Variants in RNF115 observed in about 807,000 individuals in gnomAD.
The protein encoded by RNF115 is ring finger protein 115.
In RNF115, 31 loss-of-function variants were observed where a neutral mutation model predicts 39.2. The ratio of observed to expected loss-of-function variants is 0.79; its 90% CI spans 0.59 to 1.07. The LOEUF (loss-of-function observed/expected upper bound fraction) is 1.07, where lower values mean the gene tolerates loss of function less well. RNF115 is among the 50% of genes least tolerant of loss of function. The probability of loss-of-function intolerance (pLI) is 0.00; values close to 1 mark genes in which losing one functional copy is unlikely to be tolerated. For synonymous variants in RNF115, 124 were observed against 131.0 expected (o/e 0.95, Z 0.37); for missense variants, 384 against 381.7 (o/e 1.01, Z -0.05).
intron 1 of RNF115, among the ~76,000 whole-genome samples, chr1:145,815,391 G>A (rs1400105836): frequency 2.6e-5 from 4 of 152,248 alleles, no homozygotes; most frequent in African/African-American, 7.2e-5. Flanking sequence ...AAATACTTAA[G>A]AACCACCCTA....
chr1:145,748,516 T>A (rs1033007922), intron 7 of RNF115, among the ~76,000 whole-genome samples: 4 of 152,156 alleles, frequency 2.6e-5, no homozygotes, highest in Admixed American at 2.0e-4. Context: ...AGCCAAGGGA[T>A]TCATCTCAGC....
chr1:145,757,801 T>C (rs968366488), intron 4 of RNF115, among the ~76,000 whole-genome samples: 5 of 137,944 alleles, frequency 3.6e-5, no homozygotes, highest in African/African-American at 9.8e-5. Flanking sequence ...CACTGTATGT[T>C]GGGTGTGTGA....
At chr1:145,765,836 C>G (rs1647227908) in intron 4 of RNF115, among the ~76,000 whole-genome samples, 1 of 152,072 alleles carries the variant, frequency 6.6e-6, no homozygotes, top group African/African-American at 2.4e-5. Flanking sequence ...AGTTCCCTGT[C>G]TCTGTGTTAG....
intron 4 of RNF115, among the ~76,000 whole-genome samples, chr1:145,769,113 A>C (rs1647521888): frequency 6.6e-6 from 1 of 152,206 alleles, no homozygotes; most frequent in Non-Finnish European, 1.5e-5. Context: ...AGTTATACTA[A>C]AATTTTTTAG....
At chr1:145,814,699 T>C (rs587647406) in intron 1 of RNF115, among the ~76,000 whole-genome samples, 34 of 152,262 alleles carry the variant, frequency 2.2e-4, no homozygotes, top group African/African-American at 7.5e-4. Context: ...TTTTCAGATT[T>C]TTTTCTTCCT....
intron 7 of RNF115, 28 bp downstream of exon 7, chr1:145,750,379 G>T: frequency 6.6e-7 from 1 of 1,522,502 alleles, no homozygotes; most frequent in Non-Finnish European, 9.1e-7. Context: ...ATCAGAAGAT[G>T]ACAGAATAAG....
intron 1 of RNF115, among the ~76,000 whole-genome samples, chr1:145,804,554 TAACC>T (rs1553721348): frequency 6.6e-6 from 1 of 151,128 alleles, no homozygotes; most frequent in Non-Finnish European, 1.5e-5. Context: ...AAACACAGAA[TAACC>T]AACCAGTTGT....
At position 145,820,586 on chromosome 1, in the gene RNF115, A is replaced by T. The variant is rs71510523; in HGVS notation, c.102+3186T>A. Among the ~76,000 whole-genome samples, 1,361 of 151,946 alleles carry T rather than the reference A, an allele frequency of 9.0e-3. 1 individual carries two copies. Among genetic ancestry groups the T allele is most frequent in the Middle Eastern group, 0.014 (4 of 294 alleles). ...CCCCGTCTCTACTAAAAATACAAAA[A>T]TTAGCTGGGCATGGTGGCACGTGCC... On this transcript the variant is annotated intron_variant, in intron 1 of 8. Coordinates refer to ENST00000582693, the MANE Select transcript of RNF115 (RefSeq NM_014455.4).
At chr1:145,767,341 C>T (rs587630259) in intron 4 of RNF115, among the ~76,000 whole-genome samples, 60 of 150,314 alleles carry the variant, frequency 4.0e-4, no homozygotes, top group Non-Finnish European at 7.3e-4. Flanking sequence ...TCAGACGGGG[C>T]GGCCGGGCAG....
chr1:145,745,800 T>C lies in RNF115; in HGVS notation c.*1066A>G, dbSNP rs1430470685. 1 of 151,894 alleles carries C rather than the reference T, an allele frequency of 6.6e-6. No individual in the cohort carries two copies. The highest frequency in any genetic ancestry group is 1.5e-5 in the Non-Finnish European group (1 of 67,994). 9.4% of individuals were successfully genotyped at this position (151,894 alleles called of 1,614,324 possible). On this transcript the variant is annotated 3_prime_UTR_variant, in exon 9 of 9. Transcript: ENST00000582693. Reference sequence around the variant, plus strand: ...CAGAAGCAAAGGTCTCAAACATCTGTCTTTCTGTGCCTGTATGCTGCCCAA... The same window carrying C: ...CAGAAGCAAAGGTCTCAAACATCTGCCTTTCTGTGCCTGTATGCTGCCCAA...
chr1:145,755,043 C>G (rs1361897961), intron 4 of RNF115, among the ~76,000 whole-genome samples: 1 of 151,828 alleles, frequency 6.6e-6, no homozygotes, highest in Non-Finnish European at 1.5e-5. Flanking sequence ...GTCAGGAGTT[C>G]GAGACCAGCC....
rs587685456 is a variant in RNF115 at position 145,778,473 on chromosome 1, C to T, written c.219+6066G>A. Among the ~76,000 whole-genome samples, 211 of 152,020 alleles carry T rather than the reference C, an allele frequency of 1.4e-3. 1 individual carries two copies. The highest frequency in any genetic ancestry group is 5.0e-3 in the African/African-American group (208 of 41,442). On this transcript the variant is annotated intron_variant, in intron 3 of 8. Coordinates refer to ENST00000582693, the MANE Select transcript of RNF115 (RefSeq NM_014455.4). ...CTGTACACTTTAACAGGGTGAATTACGTAGTATATGAATTATATCTCAAAA... is the reference window on the plus strand; with the variant it reads ...CTGTACACTTTAACAGGGTGAATTATGTAGTATATGAATTATATCTCAAAA...
intron 4 of RNF115, among the ~76,000 whole-genome samples, chr1:145,755,710 A>T (rs1177986140): frequency 6.6e-6 from 1 of 152,152 alleles, no homozygotes; most frequent in Non-Finnish European, 1.5e-5. Context: ...TGAGGAGAGC[A>T]TCAGTGAAGT....
intron 2 of RNF115, among the ~76,000 whole-genome samples, chr1:145,788,254 G>T (rs1648483763): frequency 1.3e-5 from 2 of 152,058 alleles, no homozygotes; most frequent in Admixed American, 1.3e-4. Flanking sequence ...GCTAATTTTT[G>T]TGTTTTTAAT....
chr1:145,813,938 G>C (rs1321522500), intron 1 of RNF115, among the ~76,000 whole-genome samples: 2 of 142,402 alleles, frequency 1.4e-5, no homozygotes, highest in African/African-American at 5.3e-5. Flanking sequence ...TCCACCCACT[G>C]CATGACAGTA....
intron 7 of RNF115, 72 bp downstream of exon 7, chr1:145,750,335 C>A (rs1340244507): frequency 1.5e-5 from 18 of 1,190,332 alleles, no homozygotes; most frequent in Non-Finnish European, 1.9e-5. Flanking sequence ...TTAAACTTTT[C>A]ACCTGTCAGA....
At chr1:145,779,006 A>G (rs1424289795) in intron 3 of RNF115, among the ~76,000 whole-genome samples, 1 of 152,210 alleles carries the variant, frequency 6.6e-6, no homozygotes, top group Non-Finnish European at 1.5e-5. Context: ...CTGAATAAAA[A>G]TTAAATTTTT....
chr1:145,766,568 C>T (rs1390618528), intron 4 of RNF115, among the ~76,000 whole-genome samples: 14 of 149,742 alleles, frequency 9.3e-5, no homozygotes, highest in East Asian at 6.0e-4. Context: ...CCAGTAGGGG[C>T]GGCCGGGCAG....
intron 5 of RNF115, among the ~76,000 whole-genome samples, chr1:145,752,334 T>C (rs1658116324): frequency 6.6e-6 from 1 of 151,930 alleles, no homozygotes; most frequent in Admixed American, 6.6e-5. Context: ...TCCTGTGTAG[T>C]CTACTGGGGA....
Sources: gnomAD v4.1 joint callset for allele counts (sites outside exome capture counted in the v4.1 genomes callset) on GRCh38, gnomAD v4.1.1 for gene constraint, MANE v1.5 for transcripts, NCBI Gene and HGNC (gene_info 2026-07-23, HGNC 2026-07-21) for gene names.